Variants in OPCML observed in about 807,000 individuals in gnomAD.
OPCML encodes the protein opioid-binding protein/cell adhesion molecule.
A neutral mutation model predicts 37.8 loss-of-function variants in OPCML; 13 were observed. That is an observed-to-expected ratio of 0.34 (90% CI 0.22 to 0.55). The LOEUF is 0.55. Among genes scored for constraint, OPCML ranks in the 20% least tolerant of loss-of-function variants. The pLI, the probability that OPCML is intolerant of heterozygous loss-of-function variation, is 0.91. For synonymous variants in OPCML, 176 were observed against 168.8 expected (o/e 1.04, Z -0.33); for missense variants, 341 against 435.6 (o/e 0.78, Z 1.93).
At chr11:133,280,689 G>C (rs1942120950) in intron 1 of OPCML, among the ~76,000 whole-genome samples, 1 of 152,162 alleles carries the variant, frequency 6.6e-6, no homozygotes, top group Admixed American at 6.5e-5. Flanking sequence ...AATAGTAACA[G>C]TGCATATGGA....
intron 1 of OPCML, among the ~76,000 whole-genome samples, chr11:133,497,975 G>A (rs1369819576): frequency 6.6e-6 from 1 of 152,202 alleles, no homozygotes; most frequent in African/African-American, 2.4e-5. Flanking sequence ...GGGTCAGAAG[G>A]CTTCCCAGGC....
intron 1 of OPCML, among the ~76,000 whole-genome samples, chr11:133,060,732 A>G (rs1948327006): frequency 6.6e-6 from 1 of 152,348 alleles, no homozygotes; most frequent in Admixed American, 6.5e-5. Context: ...AGAGCAACTT[A>G]GAAGTCAAGC....
intron 2 of OPCML, among the ~76,000 whole-genome samples, chr11:132,896,257 G>A (rs1279428103): frequency 6.6e-6 from 1 of 152,194 alleles, no homozygotes; most frequent in African/African-American, 2.4e-5. Context: ...GGACACACCA[G>A]GAGGGTCCAG....
intron 1 of OPCML, among the ~76,000 whole-genome samples, chr11:133,025,796 C>T (rs1380474212): frequency 3.6e-5 from 5 of 137,318 alleles, no homozygotes; most frequent in African/African-American, 5.6e-5. Flanking sequence ...TGCAGTGGTG[C>T]GATCTTGGCT....
At chr11:132,810,372 T>C (rs1206762271) in intron 2 of OPCML, among the ~76,000 whole-genome samples, 2 of 152,244 alleles carry the variant, frequency 1.3e-5, no homozygotes, top group East Asian at 3.9e-4. Flanking sequence ...GTTATAGTGA[T>C]GGAAACTTCC....
At chr11:132,870,408 G>T (rs893053034) in intron 2 of OPCML, among the ~76,000 whole-genome samples, 1 of 152,138 alleles carries the variant, frequency 6.6e-6, no homozygotes, top group African/African-American at 2.4e-5. Flanking sequence ...CATGGTTGGT[G>T]GGGATGTCAA....
chr11:132,698,723 T>A (rs879305639), intron 2 of OPCML, among the ~76,000 whole-genome samples: 13 of 152,128 alleles, frequency 8.5e-5, no homozygotes, highest in Admixed American at 5.9e-4. Context: ...ATTTCAAGAA[T>A]CTTTTTGATG....
At chr11:132,869,064 A>G (rs1482265141) in intron 2 of OPCML, among the ~76,000 whole-genome samples, 1 of 152,164 alleles carries the variant, frequency 6.6e-6, no homozygotes, top group Non-Finnish European at 1.5e-5. Context: ...CGGTAACTCC[A>G]TGAGCAGTTG....
intron 1 of OPCML, among the ~76,000 whole-genome samples, chr11:133,231,636 G>A (rs968734973): frequency 6.6e-6 from 1 of 152,162 alleles, no homozygotes; most frequent in Non-Finnish European, 1.5e-5. Flanking sequence ...AACACAAGCA[G>A]TAATTGAGAC....
intron 1 of OPCML, chr11:133,024,678 T>G (rs955277127): frequency 1.2e-6 from 1 of 846,968 alleles, no homozygotes; most frequent in African/African-American, 1.8e-5. Flanking sequence ...ATGTTTGGTC[T>G]ATGAAAGTGG....
At chr11:132,794,069 C>T (rs576069214) in intron 2 of OPCML, among the ~76,000 whole-genome samples, 3 of 152,308 alleles carry the variant, frequency 2.0e-5, no homozygotes, top group Admixed American at 6.5e-5. Flanking sequence ...TTAATAATCA[C>T]GCTTTCTTTG....
At chr11:133,326,903 G>A (rs964365942) in intron 1 of OPCML, among the ~76,000 whole-genome samples, 5 of 146,726 alleles carry the variant, frequency 3.4e-5, no homozygotes, top group Non-Finnish European at 7.5e-5. Context: ...AGGTGTGGGT[G>A]AGGGTGTGTG....
chr11:132,998,972 A>C (rs1185894408), intron 1 of OPCML, among the ~76,000 whole-genome samples: 1 of 152,210 alleles, frequency 6.6e-6, no homozygotes, highest in Non-Finnish European at 1.5e-5. Flanking sequence ...TTAACTATAT[A>C]CACAGAAGAC....
At chr11:133,064,814 T>C (rs1170715874) in intron 1 of OPCML, 3 of 152,134 alleles carry the variant, frequency 2.0e-5, no homozygotes, top group Admixed American at 6.6e-5. Context: ...TGGAAACGTT[T>C]CCTGGAAGCC....
At chr11:133,483,795 T>TGATGATAGATAGATA in intron 1 of OPCML, among the ~76,000 whole-genome samples, 1 of 132,428 alleles carries the variant, frequency 7.6e-6, no homozygotes, top group African/African-American at 3.1e-5. Flanking sequence ...GATACATAGA[T>TGATGATAGATAGATA]GATAGATAGA....
chr11:132,846,205 A>C (rs1339319267), intron 2 of OPCML, among the ~76,000 whole-genome samples: 1 of 152,196 alleles, frequency 6.6e-6, no homozygotes, highest in Non-Finnish European at 1.5e-5. Flanking sequence ...CTAGGCTTAC[A>C]AGTTTTACAG....
intron 1 of OPCML, among the ~76,000 whole-genome samples, chr11:132,959,676 G>A (rs1270103907): frequency 8.0e-6 from 1 of 124,426 alleles, no homozygotes; most frequent in African/African-American, 3.0e-5. Context: ...CATTGACTTC[G>A]GGAAAATATC....
At chr11:133,377,050 T>G (rs557608992) in intron 1 of OPCML, among the ~76,000 whole-genome samples, 1 of 151,794 alleles carries the variant, frequency 6.6e-6, no homozygotes, top group Non-Finnish European at 1.5e-5. Context: ...GACTATGTAG[T>G]GTAGTGTTTC....
chr11:133,182,317 G>T (rs188133559), intron 1 of OPCML, among the ~76,000 whole-genome samples: 94 of 152,292 alleles, frequency 6.2e-4, no homozygotes, highest in African/African-American at 2.2e-3. Context: ...TTATTTTGGT[G>T]CTAGAAAAAC....
Sources: allele counts gnomAD v4.1 joint callset (sites outside exome capture counted in the v4.1 genomes callset), GRCh38; gene constraint gnomAD v4.1.1; transcripts MANE v1.5; gene names NCBI Gene and HGNC (gene_info 2026-07-23, HGNC 2026-07-21).